Variants in CSTF3 observed in about 807,000 individuals in gnomAD.
CSTF3 encodes CF-1 77 kDa subunit.
In CSTF3, 29 loss-of-function variants were observed where a neutral mutation model predicts 105.8. The observed-to-expected ratio is 0.27, with a 90% CI of 0.20 to 0.37. CSTF3 has a LOEUF of 0.37. Among genes scored for constraint, CSTF3 ranks in the 10% least tolerant of loss-of-function variants. The probability of loss-of-function intolerance (pLI) is 1.00; values close to 1 mark genes in which losing one functional copy is unlikely to be tolerated. For synonymous variants in CSTF3, 252 were observed against 281.9 expected (o/e 0.89, Z 1.06); for missense variants, 357 against 879.3 (o/e 0.41, Z 7.51).
chr11:33,102,162 G>A lies in CSTF3; in HGVS notation c.826+15C>T. The A allele has an allele frequency of 4.3e-6, 7 of 1,611,336 alleles. No homozygotes were observed. The highest frequency in any genetic ancestry group is 5.9e-6 in the Non-Finnish European group (7 of 1,178,408). The stretch of plus-strand genomic sequence containing the variant: ...ATACATGTAACTGAAGTCCCATGAG[G>A]GTTAATCATGTTACCTCTTTTTGTT... On this transcript the variant is annotated intron_variant, in intron 10 of 20. Coordinates refer to ENST00000323959, the MANE Select transcript of CSTF3 (RefSeq NM_001326.3).
In CSTF3 at chr11:33,093,219, G is replaced by A. The variant is rs367734974; in HGVS notation, c.1376-879C>T. On this transcript the variant is annotated intron_variant, in intron 15 of 20. Coordinates refer to ENST00000323959, the MANE Select transcript of CSTF3 (RefSeq NM_001326.3). ...AATATATTAGACCAAAGAAGATGGC[G>A]CTATTTTTTTGGCTTCTCTCTTCAA... Among the ~76,000 whole-genome samples the A allele has an allele frequency of 1.4e-4, 21 of 152,198 alleles. No homozygotes were observed. The East Asian group carries it at 3.1e-3, about 22-fold the overall frequency.
chr11:33,130,663 C>T (rs1342112275), intron 3 of CSTF3, among the ~76,000 whole-genome samples: 1 of 152,166 alleles, frequency 6.6e-6, no homozygotes, highest in Non-Finnish European at 1.5e-5. Flanking sequence ...TTTAATAACA[C>T]TCCTAATTCC....
intron 3 of CSTF3, among the ~76,000 whole-genome samples, chr11:33,140,209 AATGAGTTAAT>A (rs1590282601): frequency 6.6e-6 from 1 of 152,026 alleles, no homozygotes; most frequent in African/African-American, 2.4e-5. Context: ...TCCTTGTTTT[AATGAGTTAAT>A]ACAAAGCAGC....
chr11:33,153,962 C>T (rs1246747321), intron 1 of CSTF3, among the ~76,000 whole-genome samples: 1 of 152,050 alleles, frequency 6.6e-6, no homozygotes, highest in East Asian at 1.9e-4. Flanking sequence ...GAGTATTTCT[C>T]GCTATTCAGG....
intron 3 of CSTF3, among the ~76,000 whole-genome samples, chr11:33,110,310 A>C (rs962741762): frequency 5.3e-5 from 8 of 152,140 alleles, no homozygotes; most frequent in Non-Finnish European, 1.2e-4. Flanking sequence ...AGAAATCTCT[A>C]CTCAAGAGTA....
At chr11:33,150,140 GGGAGGC>G (rs1210239428) in intron 1 of CSTF3, among the ~76,000 whole-genome samples, 1 of 150,024 alleles carries the variant, frequency 6.7e-6, no homozygotes, top group Non-Finnish European at 1.5e-5. Context: ...GCTTGAACCC[GGGAGGC>G]GGAGGTTGCA....
chr11:33,146,680 C>T (rs1426983575), intron 1 of CSTF3, among the ~76,000 whole-genome samples: 3 of 149,544 alleles, frequency 2.0e-5, no homozygotes, highest in African/African-American at 7.4e-5. Context: ...TGATGGTGAG[C>T]AGGGAGACAT....
intron 9 of CSTF3, among the ~76,000 whole-genome samples, chr11:33,102,873 A>C (rs191609602): frequency 5.8e-4 from 89 of 152,316 alleles, no homozygotes; most frequent in Non-Finnish European, 9.4e-4. Context: ...GTCTCTCTCT[A>C]TGTCTTCTGT....
At chr11:33,087,818 A>G (rs1330398062) in intron 17 of CSTF3, among the ~76,000 whole-genome samples, 3 of 152,234 alleles carry the variant, frequency 2.0e-5, no homozygotes, top group Admixed American at 1.3e-4. Flanking sequence ...TTGGGAGGGC[A>G]GGCCTCTCTG....
At chr11:33,131,709 G>A (rs749646772) in intron 3 of CSTF3, among the ~76,000 whole-genome samples, 22 of 151,560 alleles carry the variant, frequency 1.5e-4, no homozygotes, top group African/African-American at 4.4e-4. Flanking sequence ...AAAATTAGCC[G>A]GGAGTGGTGG....
chr11:33,148,572 T>C (rs189549241), intron 1 of CSTF3, among the ~76,000 whole-genome samples: 139 of 149,534 alleles, frequency 9.3e-4, no homozygotes, highest in African/African-American at 3.2e-3. Context: ...GGTATGTGCC[T>C]GTAGTCTCAC....
chr11:33,145,449 T>C (rs757511527), intron 1 of CSTF3, among the ~76,000 whole-genome samples: 1 of 151,808 alleles, frequency 6.6e-6, no homozygotes, highest in African/African-American at 2.4e-5. Flanking sequence ...TTAATAAAAA[T>C]TTAAAAATAA....
In CSTF3 at chr11:33,161,402, C is replaced by G. The variant is rs947475219; in HGVS notation, c.-77G>C. Reference sequence around the variant, plus strand: ...AGAAAAATTAAACTAAAAACCACCCCCAAATCAGTAAAGTTACCCCCTGCC... The same window carrying G: ...AGAAAAATTAAACTAAAAACCACCCGCAAATCAGTAAAGTTACCCCCTGCC... On this transcript the variant is annotated 5_prime_UTR_variant, in exon 1 of 21. Coordinates refer to ENST00000323959, the MANE Select transcript of CSTF3 (RefSeq NM_001326.3). The G allele has an allele frequency of 3.9e-6, 6 of 1,534,362 alleles. No individual in the cohort carries two copies. In the Admixed American group the frequency reaches 8.4e-5, roughly 21 times the overall value.
chr11:33,107,796 A>G (rs1288496838), intron 5 of CSTF3, 107 bp downstream of exon 5: 5 of 627,622 alleles, frequency 8.0e-6, no homozygotes, highest in Non-Finnish European at 1.4e-5. Flanking sequence ...GACTTTTCAA[A>G]TCCTGATAAT....
Position 33,085,833 on chromosome 11 carries a change from C to A in CSTF3, c.1891-60G>T. 3 of 1,585,334 alleles carry A rather than the reference C, an allele frequency of 1.9e-6. No individual in the cohort carries two copies. The South Asian group carries it at 3.3e-5, about 18-fold the overall frequency. On this transcript the variant is annotated intron_variant, in intron 19 of 20. Coordinates refer to ENST00000323959, the MANE Select transcript of CSTF3 (RefSeq NM_001326.3). The stretch of plus-strand genomic sequence containing the variant: ...ATCTGACAAGTTAAAGTAGTAGTAA[C>A]TTTATACACAATTACTATGACCCAC...
At position 33,141,869 on chromosome 11, in the gene CSTF3, T is replaced by C; in HGVS notation, c.129+16A>G. 6.3e-7 allele frequency: 1 copy of C among 1,581,496 alleles called. No homozygotes were observed. The highest frequency in any genetic ancestry group is 1.7e-4 in the Middle Eastern group (1 of 5,868). On this transcript the variant is annotated intron_variant, in intron 2 of 20. Transcript: ENST00000323959. ...TGGACCCATAGAGAAGGAAATGTAATCCTATATCACTAAACCTGTGCCTCT... is the reference window on the plus strand; with the variant it reads ...TGGACCCATAGAGAAGGAAATGTAACCCTATATCACTAAACCTGTGCCTCT...
rs1251578101 is a variant in CSTF3, at chr11:33,085,123, G to A, written c.2118C>T (p.Asp706=). The A allele has an allele frequency of 1.9e-6, 3 of 1,614,002 alleles. No individual in the cohort carries two copies. Among genetic ancestry groups the A allele is most frequent in the East Asian group, 2.2e-5 (1 of 44,898 alleles). The stretch of plus-strand genomic sequence containing the variant: ...GCTTCTGCTGCCGTGCTCTGTAAAT[G>A]TCATGAACAGGGGGGACAACGGCTC... ...EKGAVVPPVH[D]IYRARQQKRI... The change falls in exon 21 of 21, where the codon GAC becomes GAT. Residue 706 remains aspartate, a synonymous_variant. Transcript: ENST00000323959.
chr11:33,103,061 AACAG>A, intron 9 of CSTF3, 42 bp downstream of exon 9: 4 of 1,253,918 alleles, frequency 3.2e-6, no homozygotes, highest in Non-Finnish European at 4.5e-6. Context: ...TGCTGTAAAC[AACAG>A]ACTCATAATA....
chr11:33,139,175 T>C (rs1855684149), intron 3 of CSTF3, among the ~76,000 whole-genome samples: 1 of 151,918 alleles, frequency 6.6e-6, no homozygotes, highest in South Asian at 2.1e-4. Context: ...CATTTTGTAC[T>C]TAAATAGGAT....
Sources: gnomAD v4.1 joint callset for allele counts (sites outside exome capture counted in the v4.1 genomes callset) on GRCh38, gnomAD v4.1.1 for gene constraint, MANE v1.5 for transcripts, NCBI Gene and HGNC (gene_info 2026-07-23, HGNC 2026-07-21) for gene names.